The following PTPRN2 variants were observed in gnomAD, a reference collection of about 807,000 sequenced individuals.
The protein encoded by PTPRN2 is protein tyrosine phosphatase receptor type N2.
Under a neutral mutation model 118.8 loss-of-function variants are expected in PTPRN2, and 74 were observed. The ratio of observed to expected loss-of-function variants is 0.62; its 90% confidence interval spans 0.52 to 0.76. The LOEUF is 0.76. PTPRN2 is among the 30% of genes least tolerant of loss of function. PTPRN2 has a pLI of 0.00. For missense variants in PTPRN2, 1,481 were observed against 1,394.4 expected (o/e 1.06, Z -0.99); for synonymous variants, 641 against 608.0 (o/e 1.05, Z -0.80).
chr7:157,604,546 C>T (rs145130966), intron 15 of PTPRN2, among the ~76,000 whole-genome samples: 2 of 152,338 alleles, frequency 1.3e-5, no homozygotes, highest in East Asian at 3.9e-4. Flanking sequence ...TGGCAACACA[C>T]AGCAGGTAAA....
intron 11 of PTPRN2, among the ~76,000 whole-genome samples, chr7:157,960,101 C>T (rs1801425731): frequency 6.6e-6 from 1 of 151,142 alleles, no homozygotes; most frequent in South Asian, 2.1e-4. Context: ...ATATTATGAT[C>T]CCACTTCTCT....
In PTPRN2 at chr7:157,779,171, G is replaced by T. The variant is rs1285525920; in HGVS notation, c.1789-96234C>A. ...AGGCCTTACATATAGAGGTAGTAGC[G>T]CTACATTGAGGATGCTGGACACGGC... On this transcript the variant is annotated intron_variant, in intron 12 of 22. Transcript: ENST00000389418. This position sits in a 1 kb window ranked among gnomAD's most constrained non-coding sequence, Gnocchi z 4.7. Among the ~76,000 whole-genome samples, 1 of 152,154 alleles carries T rather than the reference G, an allele frequency of 6.6e-6. No homozygotes were observed.
chr7:158,313,131 T>C (rs1802010784), intron 3 of PTPRN2, among the ~76,000 whole-genome samples: 1 of 152,078 alleles, frequency 6.6e-6, no homozygotes, highest in South Asian at 2.1e-4. Flanking sequence ...TGTGTCTGTG[T>C]CTACACGTGA....
At chr7:157,720,530 G>A (rs982132219) in intron 12 of PTPRN2, among the ~76,000 whole-genome samples, 8 of 152,218 alleles carry the variant, frequency 5.3e-5, no homozygotes, top group Non-Finnish European at 1.0e-4. Context: ...GCTTCCCTGC[G>A]TAGGAGGCCT....
chr7:158,347,285 T>G (rs1437055840), intron 2 of PTPRN2, among the ~76,000 whole-genome samples: 1 of 152,210 alleles, frequency 6.6e-6, no homozygotes, highest in Non-Finnish European at 1.5e-5. Flanking sequence ...TGGTGAGAGA[T>G]AAGTTCTAAT....
In PTPRN2 at chr7:157,748,542, G is replaced by A. The variant is rs1435975814; in HGVS notation, c.1789-65605C>T. ...TGCGTCTCTGAGCTGTGGGGTGTCC[G>A]GGTGATTCTGAGGCCTGCGTCCCTG... On this transcript the variant is annotated intron_variant, in intron 12 of 22. Coordinates refer to ENST00000389418, the MANE Select transcript of PTPRN2 (RefSeq NM_002847.5). Among the ~76,000 whole-genome samples the A allele has an allele frequency of 1.0e-3, 115 of 114,028 alleles. 3 individuals are homozygous for A. The highest frequency in any genetic ancestry group is 5.4e-3 in the Middle Eastern group (1 of 186). 74.8% of individuals were successfully genotyped at this position (114,028 alleles called of 152,430 possible).
intron 12 of PTPRN2, among the ~76,000 whole-genome samples, chr7:157,762,747 TAAAAA>T (rs537774882): frequency 6.9e-6 from 1 of 144,114 alleles, no homozygotes; most frequent in African/African-American, 2.6e-5. Flanking sequence ...AGTATAATAA[TAAAAA>T]AAAAAGAGAA....
chr7:157,748,514 G>T (rs935796678), intron 12 of PTPRN2, among the ~76,000 whole-genome samples: 1 of 147,996 alleles, frequency 6.8e-6, no homozygotes, highest in African/African-American at 2.5e-5. Flanking sequence ...TGATTCTTAG[G>T]TCTGCGTCTC....
chr7:157,723,014 C>T (rs183077836), intron 12 of PTPRN2, among the ~76,000 whole-genome samples: 22 of 152,296 alleles, frequency 1.4e-4, no homozygotes, highest in Admixed American at 9.8e-4. Flanking sequence ...TACCATTTCC[C>T]GGAAACCCAG....
chr7:158,201,055 TGG>T (rs1563595608), intron 4 of PTPRN2, among the ~76,000 whole-genome samples: 1 of 104,924 alleles, frequency 9.5e-6, no homozygotes, highest in African/African-American at 5.2e-5. Context: ...GAAAAAAAAG[TGG>T]TTTTTTTTTT....
intron 2 of PTPRN2, among the ~76,000 whole-genome samples, chr7:158,469,184 G>A (rs1819659977): frequency 6.6e-6 from 1 of 152,200 alleles, no homozygotes; most frequent in Admixed American, 6.5e-5. Context: ...GCTCACACCT[G>A]TAACCCCAGC....
At chr7:158,124,175 T>C (rs529494322) in intron 9 of PTPRN2, among the ~76,000 whole-genome samples, 1 of 152,358 alleles carries the variant, frequency 6.6e-6, no homozygotes, top group East Asian at 1.9e-4. Flanking sequence ...GGTATGTGTC[T>C]GGGCCTAAGT....
intron 4 of PTPRN2, among the ~76,000 whole-genome samples, chr7:158,201,421 G>C (rs1826640560): frequency 6.6e-6 from 1 of 152,112 alleles, no homozygotes. Context: ...GACTCTGGCA[G>C]AACATTATGA....
At chr7:158,103,182 T>C (rs1815383916) in intron 10 of PTPRN2, among the ~76,000 whole-genome samples, 1 of 152,132 alleles carries the variant, frequency 6.6e-6, no homozygotes, top group Non-Finnish European at 1.5e-5. Context: ...ATCCTCCCTG[T>C]GCGCATGGCC....
chr7:157,697,573 G>A (rs13311888), intron 12 of PTPRN2, among the ~76,000 whole-genome samples: 120 of 75,922 alleles, frequency 1.6e-3, no homozygotes, highest in East Asian at 4.6e-3. Flanking sequence ...TGCATACTGG[G>A]TCTTGGCAGA....
chr7:158,238,376 G>A (rs1056256803), intron 3 of PTPRN2, among the ~76,000 whole-genome samples: 2 of 152,026 alleles, frequency 1.3e-5, no homozygotes, highest in African/African-American at 4.8e-5. Flanking sequence ...GGTGTGGGTG[G>A]CACCAAAAGC....
At chr7:158,119,264 T>A (rs1178878671) in intron 9 of PTPRN2, among the ~76,000 whole-genome samples, 1 of 152,066 alleles carries the variant, frequency 6.6e-6, no homozygotes, top group African/African-American at 2.4e-5. Flanking sequence ...CAAAAGCACA[T>A]GAAAAGATGC....
At chr7:158,271,795 C>T (rs1166907591) in intron 3 of PTPRN2, among the ~76,000 whole-genome samples, 1 of 152,136 alleles carries the variant, frequency 6.6e-6, no homozygotes, top group South Asian at 2.1e-4. Context: ...GGTGAAGAAG[C>T]GTCCTGAGGC....
intron 12 of PTPRN2, among the ~76,000 whole-genome samples, chr7:157,727,617 A>G (rs1395494614): frequency 6.6e-6 from 1 of 152,200 alleles, no homozygotes; most frequent in Non-Finnish European, 1.5e-5. Flanking sequence ...AGATGCTCGC[A>G]CAACGTTGTG....
Sources: gnomAD v4.1 joint callset for allele counts (sites outside exome capture counted in the v4.1 genomes callset) on GRCh38, gnomAD v4.1.1 for gene constraint, Gnocchi (gnomAD v3.1) non-coding constraint, MANE v1.5 for transcripts, NCBI Gene and HGNC (gene_info 2026-07-23, HGNC 2026-07-21) for gene names.